The following CERS6 variants were observed in gnomAD, a reference collection of about 807,000 sequenced individuals.
The protein encoded by CERS6 is ceramide synthase 6, also known as LAG1 homolog, ceramide synthase 6.
In CERS6, 26 loss-of-function variants were observed where a neutral mutation model predicts 56.8. The ratio of observed to expected loss-of-function variants is 0.46; its 90% CI spans 0.34 to 0.63. CERS6 has a LOEUF of 0.63. Ranked by LOEUF, CERS6 falls within the 30% of genes least tolerant of loss-of-function variation. CERS6 has a pLI of 0.01. For missense variants in CERS6, 415 were observed against 467.5 expected, an observed-to-expected ratio of 0.89 and a Z score of 1.04; for synonymous variants, 164 against 173.3, an observed-to-expected ratio of 0.95 and a Z score of 0.42.
intron 3 of CERS6, among the ~76,000 whole-genome samples, chr2:168,565,796 A>G (rs1041889362): frequency 1.3e-5 from 2 of 152,212 alleles, no homozygotes; most frequent in Non-Finnish European, 2.9e-5. Context: ...TACTTCTTCC[A>G]GAAGCATTCA....
chr2:168,733,423 G>T (rs886445618), intron 8 of CERS6, among the ~76,000 whole-genome samples: 4 of 152,208 alleles, frequency 2.6e-5, no homozygotes, highest in African/African-American at 9.6e-5. Context: ...CCTTAGTGAA[G>T]AGGAAAGAGA....
At position 168,668,275 on chromosome 2, in the gene CERS6, T is replaced by C. The variant is rs377340917; in HGVS notation, c.466-22759T>C. On this transcript the variant is annotated intron_variant, in intron 4 of 9. Coordinates refer to ENST00000305747, the MANE Select transcript of CERS6 (RefSeq NM_203463.3). ...ATTATTCCTACTCTGATTTTCCTCA[T>C]CTTATTTATGGTCTCACCATCTGCA... Among the ~76,000 whole-genome samples the C allele has an allele frequency of 2.2e-4, 34 of 152,224 alleles. No homozygotes were observed. In the East Asian group the frequency reaches 4.2e-3, roughly 19 times the overall value.
At chr2:168,591,869 A>G (rs1683678960) in intron 3 of CERS6, among the ~76,000 whole-genome samples, 1 of 152,218 alleles carries the variant, frequency 6.6e-6, no homozygotes, top group Non-Finnish European at 1.5e-5. Flanking sequence ...AGGGAGAAGT[A>G]CAATCCCTTT....
intron 3 of CERS6, among the ~76,000 whole-genome samples, chr2:168,576,696 G>GT (rs1559005238): frequency 6.6e-6 from 1 of 152,124 alleles, no homozygotes; most frequent in Admixed American, 6.6e-5. Flanking sequence ...TTGCTCTGAT[G>GT]TTTTTTCTGT....
intron 3 of CERS6, among the ~76,000 whole-genome samples, chr2:168,593,246 T>C (rs1034036191): frequency 1.3e-5 from 2 of 152,218 alleles, no homozygotes; most frequent in Non-Finnish European, 1.5e-5. Context: ...CAAAGCCTCT[T>C]TGACCGTGTA....
intron 3 of CERS6, among the ~76,000 whole-genome samples, chr2:168,566,800 C>CAA (rs35044625): frequency 0.75 from 107,930 of 144,050 alleles, 42,325 homozygotes; most frequent in South Asian, 0.93. Flanking sequence ...CACCTACTTG[C>CAA]AAAAAAAAAA....
chr2:168,699,020 C>T (rs62174424), intron 6 of CERS6, among the ~76,000 whole-genome samples: 9,825 of 152,260 alleles, frequency 0.065, 410 homozygotes, highest in East Asian at 0.14. Context: ...GGCATGCTTA[C>T]TCCTTGGCAC....
intron 4 of CERS6, among the ~76,000 whole-genome samples, chr2:168,651,074 C>T (rs1313245636): frequency 1.3e-5 from 2 of 152,064 alleles, no homozygotes; most frequent in African/African-American, 4.8e-5. Flanking sequence ...TTTCTTGAGG[C>T]AAACAGTAAA....
Position 168,456,465 on chromosome 2 carries a change from C to T in CERS6, c.17C>T (p.Ala6Val), listed in dbSNP as rs200086348. 239 of 1,613,594 alleles carry T rather than the reference C, an allele frequency of 1.5e-4. No individual in the cohort carries two copies. Among genetic ancestry groups the T allele is most frequent in the Non-Finnish European group, 2.0e-4 (234 of 1,179,666 alleles). ...CAAAGCAAGATGGCAGGGATCTTAG[C>T]CTGGTTCTGGAACGAGAGGTTTTGG... MAGILAWFWNERFWLP... is the reference protein window; with the variant it reads MAGILVWFWNERFWLP... The change falls in exon 1 of 10, where the codon GCC becomes GTC. Residue 6 changes from alanine to valine, a missense_variant. Transcript: ENST00000305747. The surrounding 1 kb of genome is among the most constrained non-coding windows in gnomAD (Gnocchi z 4.1).
chr2:168,634,129 A>G (rs1446641434), intron 4 of CERS6, among the ~76,000 whole-genome samples: 1 of 152,240 alleles, frequency 6.6e-6, no homozygotes, highest in Non-Finnish European at 1.5e-5. Flanking sequence ...CCTTACAGAC[A>G]TGTTAGTGAA....
intron 1 of CERS6, among the ~76,000 whole-genome samples, chr2:168,493,576 G>A (rs1320403675): frequency 6.6e-6 from 1 of 152,146 alleles, no homozygotes; most frequent in East Asian, 1.9e-4. Context: ...GATCTTACCT[G>A]CTAGCCAGGA....
intron 3 of CERS6, among the ~76,000 whole-genome samples, chr2:168,563,721 C>T (rs1210128581): frequency 2.0e-5 from 3 of 152,074 alleles, no homozygotes; most frequent in African/African-American, 7.2e-5. Context: ...GGCATGAACC[C>T]GGGAGGTGGA....
intron 1 of CERS6, among the ~76,000 whole-genome samples, chr2:168,524,111 CGT>C (rs1553487782): frequency 1.3e-5 from 2 of 152,086 alleles, no homozygotes; most frequent in Non-Finnish European, 2.9e-5. Context: ...ATGTTGAGTT[CGT>C]GTGTGTGTCT....
At chr2:168,700,267 C>G (rs1356326424) in intron 6 of CERS6, among the ~76,000 whole-genome samples, 3 of 152,200 alleles carry the variant, frequency 2.0e-5, no homozygotes, top group Non-Finnish European at 4.4e-5. Flanking sequence ...GGGGCCGTGT[C>G]ATGCTCCAGA....
intron 1 of CERS6, among the ~76,000 whole-genome samples, chr2:168,516,436 A>G (rs1330414417): frequency 6.6e-6 from 1 of 152,166 alleles, no homozygotes; most frequent in Non-Finnish European, 1.5e-5. Flanking sequence ...TTTTGAGTGT[A>G]TAGCGATTAA....
intron 4 of CERS6, among the ~76,000 whole-genome samples, chr2:168,645,023 G>A (rs528525056): frequency 9.2e-5 from 13 of 141,526 alleles, no homozygotes; most frequent in Admixed American, 2.8e-4. Context: ...ACCCGGGGGC[G>A]GAGGTTGCAG....
chr2:168,663,991 G>A (rs935086632), intron 4 of CERS6, among the ~76,000 whole-genome samples: 2 of 152,158 alleles, frequency 1.3e-5, no homozygotes, highest in Non-Finnish European at 2.9e-5. Context: ...CAAACAGAAA[G>A]GCTGCTTCTG....
At chr2:168,497,597 G>A (rs1694496135) in intron 1 of CERS6, among the ~76,000 whole-genome samples, 1 of 152,184 alleles carries the variant, frequency 6.6e-6, no homozygotes, top group Admixed American at 6.5e-5. Flanking sequence ...GGCAGTACCT[G>A]CATAATCTGT....
At chr2:168,490,978 G>T (rs1245365649) in intron 1 of CERS6, among the ~76,000 whole-genome samples, 1 of 152,110 alleles carries the variant, frequency 6.6e-6, no homozygotes, top group Non-Finnish European at 1.5e-5. Context: ...GATGTACTTT[G>T]TATTCATACT....
Sources: allele counts gnomAD v4.1 joint callset (sites outside exome capture counted in the v4.1 genomes callset), GRCh38; gene constraint gnomAD v4.1.1; non-coding constraint Gnocchi (gnomAD v3.1); transcripts MANE v1.5; gene names NCBI Gene and HGNC (gene_info 2026-07-23, HGNC 2026-07-21).